HMGXB3: variants seen among roughly 807,000 people sequenced by gnomAD.
HMGXB3 encodes the protein HMG-box containing 3.
Under a neutral mutation model 121.5 loss-of-function variants are expected in HMGXB3, and 45 were observed. The observed-to-expected ratio is 0.37, with a 90% CI of 0.29 to 0.47. HMGXB3 has a LOEUF of 0.47. Among genes scored for constraint, HMGXB3 ranks in the 20% least tolerant of loss-of-function variants. The pLI is 0.99. For missense variants in HMGXB3, 1,376 were observed against 1,602.2 expected (o/e 0.86, Z 2.41); for synonymous variants, 590 against 624.1 (o/e 0.95, Z 0.81).
intron 5 of HMGXB3, among the ~76,000 whole-genome samples, chr5:150,012,580 A>G (rs150576465): frequency 6.6e-6 from 1 of 152,366 alleles, no homozygotes; most frequent in East Asian, 1.9e-4. Flanking sequence ...CATGGGATCC[A>G]TGAACTCACC....
intron 11 of HMGXB3, among the ~76,000 whole-genome samples, chr5:150,035,186 T>A (rs1468613848): frequency 2.6e-5 from 4 of 152,186 alleles, no homozygotes; most frequent in Admixed American, 6.5e-5. Flanking sequence ...GCTAGGCAAT[T>A]TATAAAGCAA....
Position 150,032,590 on chromosome 5 carries a change from C to T in HMGXB3, c.1970C>T (p.Thr657Ile), listed in dbSNP as rs957617800. 2 of 1,552,308 alleles carry T rather than the reference C, an allele frequency of 1.3e-6. No individual in the cohort carries two copies. Among genetic ancestry groups the T allele is most frequent in the Admixed American group, 3.9e-5 (2 of 51,008 alleles). ...CTTGCCAAAGACCGGACTGAGAAAA[C>T]CACCAAGGCTATCGTGAGTTCCTTC... ...VNLAKDRTEK[T>I]TKAIEVSSPL... The change falls in exon 11 of 20, where the codon ACC (threonine) becomes ATC (isoleucine). Residue 657 changes from threonine (T) to isoleucine (I), a missense_variant. Coordinates refer to ENST00000502717, the MANE Select transcript of HMGXB3 (RefSeq NM_014983.3).
At chr5:150,051,511 C>T (rs769508416) in intron 19 of HMGXB3, among the ~76,000 whole-genome samples, 1 of 152,184 alleles carries the variant, frequency 6.6e-6, no homozygotes, top group African/African-American at 2.4e-5. Flanking sequence ...CATAAGTAAT[C>T]CAACATCTGT....
chr5:150,035,943 C>T (rs1756492678), intron 11 of HMGXB3, among the ~76,000 whole-genome samples: 1 of 152,048 alleles, frequency 6.6e-6, no homozygotes, highest in South Asian at 2.1e-4. Context: ...GCCTTCATTG[C>T]ACCATAGGCA....
chr5:150,051,314 G>A (rs1756883633), intron 19 of HMGXB3, among the ~76,000 whole-genome samples: 1 of 152,220 alleles, frequency 6.6e-6, no homozygotes, highest in South Asian at 2.1e-4. Flanking sequence ...GCCCCAGCCA[G>A]GATGCATTAT....
At chr5:150,023,440 G>A (rs145775024) in intron 6 of HMGXB3, among the ~76,000 whole-genome samples, 138 of 152,282 alleles carry the variant, frequency 9.1e-4, no homozygotes, top group African/African-American at 3.2e-3. Context: ...ATAGAACCCA[G>A]CCTTTATGTT....
In HMGXB3 at chr5:150,017,818, G is replaced by C. The variant is rs148268214; in HGVS notation, c.910-748G>C. ...CAGCCTTAATCTAGAAGCGGAGCAT[G>C]ACTAATGAATGAGTCGTTTTTATTT... On this transcript the variant is annotated intron_variant, in intron 5 of 19. Transcript: ENST00000502717. Among the ~76,000 whole-genome samples, 30 of 152,330 alleles carry C rather than the reference G, an allele frequency of 2.0e-4. 1 individual carries two copies. The East Asian group carries it at 5.6e-3, about 28-fold the overall frequency.
At chr5:150,030,157 A>G (rs201077727) in intron 9 of HMGXB3, among the ~76,000 whole-genome samples, 1 of 152,104 alleles carries the variant, frequency 6.6e-6, no homozygotes, top group East Asian at 1.9e-4. Context: ...TTTTAGCTAT[A>G]TAAGTAAAAT....
At chr5:150,030,137 TCTTTC>T (rs1300000980) in intron 9 of HMGXB3, among the ~76,000 whole-genome samples, 1 of 90,986 alleles carries the variant, frequency 1.1e-5, no homozygotes, top group African/African-American at 1.3e-4. Context: ...CTTTATCTTT[TCTTTC>T]TTTTTTTTAG....
In HMGXB3 at chr5:150,005,090, A is replaced by G. The variant is rs1285073816; in HGVS notation, c.137+101A>G. ...TTAAGACTCTTTGAAAAAGAGTGTTATGATTGAAGTCCTGTGTCGAGGGAT... is the reference window on the plus strand; with the variant it reads ...TTAAGACTCTTTGAAAAAGAGTGTTGTGATTGAAGTCCTGTGTCGAGGGAT... On this transcript the variant is annotated intron_variant, in intron 2 of 19. Transcript: ENST00000502717. 7 of 1,420,070 alleles carry G rather than the reference A, an allele frequency of 4.9e-6. No homozygotes were observed. In the African/African-American group the frequency reaches 8.7e-5, roughly 18 times the overall value. 88.0% of individuals were successfully genotyped at this position (1,420,070 alleles called of 1,614,324 possible). A position where few individuals can be genotyped will look rare whatever the true frequency, so the allele number is the denominator to read the frequency against.
At chr5:150,002,288 G>T (rs962940165) in intron 1 of HMGXB3, among the ~76,000 whole-genome samples, 1 of 152,106 alleles carries the variant, frequency 6.6e-6, no homozygotes, top group Admixed American at 6.5e-5. Context: ...ATTGTCAAAA[G>T]AATTCTTGCC....
intron 9 of HMGXB3, 77 bp from the exon 10 acceptor site, chr5:150,030,664 C>T: frequency 1.9e-6 from 2 of 1,073,120 alleles, no homozygotes; most frequent in Non-Finnish European, 2.8e-6. Flanking sequence ...AGCATTCCCT[C>T]AAGTCGTTTC....
intron 13 of HMGXB3, 59 bp downstream of exon 13, chr5:150,037,586 T>C: frequency 7.1e-7 from 1 of 1,407,986 alleles, no homozygotes; most frequent in Non-Finnish European, 9.4e-7. Flanking sequence ...GAACTGCCTC[T>C]ATGGATGAGA....
At chr5:150,046,960 A>T (rs1581267440) in intron 16 of HMGXB3, among the ~76,000 whole-genome samples, 1 of 148,810 alleles carries the variant, frequency 6.7e-6, no homozygotes, top group Non-Finnish European at 1.5e-5. Context: ...ATCTGGGCTC[A>T]CTGCAACTCT....
Position 150,041,975 on chromosome 5 carries a change from T to C in HMGXB3, c.2730+6T>C, listed in dbSNP as rs1461652840. ...TAGCACTGAAGAGCGTGGAGGTAAG[T>C]GCCTCTTAGCCACCGTGAGGGACCT... On this transcript the variant is annotated splice_donor_region_variant and intron_variant, in intron 15 of 19. Transcript: ENST00000502717. 6.5e-7 allele frequency: 1 copy of C among 1,549,330 alleles called. No individual in the cohort carries two copies. Among genetic ancestry groups the C allele is most frequent in the Non-Finnish European group, 8.7e-7 (1 of 1,145,196 alleles).
At chr5:150,013,690 T>G (rs1307397127) in intron 5 of HMGXB3, among the ~76,000 whole-genome samples, 1 of 152,256 alleles carries the variant, frequency 6.6e-6, no homozygotes, top group African/African-American at 2.4e-5. Context: ...TTTAAAAATA[T>G]GTATAGGACT....
chr5:150,017,444 G>A (rs916509927), intron 5 of HMGXB3, among the ~76,000 whole-genome samples: 1 of 152,144 alleles, frequency 6.6e-6, no homozygotes, highest in African/African-American at 2.4e-5. Context: ...CTATAAAATA[G>A]GAAGAACAGG....
At chr5:150,026,627 A>G in intron 7 of HMGXB3, 79 bp from the exon 8 acceptor site, 1 of 1,246,564 alleles carries the variant, frequency 8.0e-7, no homozygotes. Flanking sequence ...TCCTCTAAGA[A>G]AGCACTATGT....
At chr5:150,047,048 A>G (rs1252632027) in intron 16 of HMGXB3, among the ~76,000 whole-genome samples, 1 of 151,508 alleles carries the variant, frequency 6.6e-6, no homozygotes, top group Non-Finnish European at 1.5e-5. Flanking sequence ...CCACACCACC[A>G]CACCTGGCTA....
Sources: gnomAD v4.1 joint callset for allele counts (sites outside exome capture counted in the v4.1 genomes callset) on GRCh38, gnomAD v4.1.1 for gene constraint, MANE v1.5 for transcripts, NCBI Gene and HGNC (gene_info 2026-07-23, HGNC 2026-07-21) for gene names.